CBFA2T3: variants seen among roughly 807,000 people sequenced by gnomAD.
CBFA2T3 encodes the protein transcriptional corepressor CBFA2T3.
CBFA2T3 carries 31 observed loss-of-function variants against 58.6 expected under a neutral mutation model. That is an observed-to-expected ratio of 0.53 (90% confidence interval 0.40 to 0.71). CBFA2T3 has a LOEUF of 0.71. Ranked by LOEUF, CBFA2T3 falls within the 30% of genes least tolerant of loss-of-function variation. CBFA2T3 has a pLI of 0.00. For missense variants in CBFA2T3, 1,076 were observed against 963.1 expected, an observed-to-expected ratio of 1.12 and a Z score of -1.55; for synonymous variants, 531 against 421.9, an observed-to-expected ratio of 1.26 and a Z score of -3.17.
In CBFA2T3 at chr16:88,963,772, C is replaced by T. The variant is rs1022712693; in HGVS notation, c.151+12885G>A. On this transcript the variant is annotated intron_variant, in intron 1 of 11. Transcript: ENST00000268679. ...GACACTTCGTGAGCCAGGCACACAG[C>T]GGCCCGAGGAGAGCCGCATTCTGTG... is the stretch of plus-strand genomic sequence containing the variant. 4.6e-5 allele frequency among the ~76,000 whole-genome samples: 7 copies of T among 152,358 alleles called. No individual in the cohort carries two copies. The South Asian group carries it at 6.2e-4, about 14-fold the overall frequency.
At chr16:88,914,939 G>A (rs1460735423) in intron 1 of CBFA2T3, among the ~76,000 whole-genome samples, 1 of 151,940 alleles carries the variant, frequency 6.6e-6, no homozygotes, top group Non-Finnish European at 1.5e-5. Flanking sequence ...CCCTGGGGGA[G>A]GTGGCCCCAC....
chr16:88,879,094 T>C (rs1288078812), intron 11 of CBFA2T3, among the ~76,000 whole-genome samples, 176 bp downstream of exon 11: 1 of 152,182 alleles, frequency 6.6e-6, no homozygotes, highest in Admixed American at 6.5e-5. Context: ...CACTGAACCA[T>C]GTGGGATCTC....
At position 88,875,854 on chromosome 16, in the gene CBFA2T3, G is replaced by A; in HGVS notation, c.*1122C>T. On this transcript the variant is annotated 3_prime_UTR_variant, in exon 12 of 12. Transcript: ENST00000268679. The stretch of plus-strand genomic sequence containing the variant: ...AAACGGAAATATGAAAAGTCACAGG[G>A]GGCGTGAGGACAGACGGCGTGTCCT... 4.3e-6 allele frequency: 1 copy of A among 233,342 alleles called. No homozygotes were observed. Among genetic ancestry groups the A allele is most frequent in the Non-Finnish European group, 8.5e-6 (1 of 117,974 alleles). The allele number at this position is 233,342 out of a possible 1,614,324, so 14.5% of individuals were successfully genotyped here.
At chr16:88,931,262 C>T (rs1208748964) in intron 1 of CBFA2T3, among the ~76,000 whole-genome samples, 1 of 152,102 alleles carries the variant, frequency 6.6e-6, no homozygotes, top group Non-Finnish European at 1.5e-5. Flanking sequence ...GCTGTGACTC[C>T]AGCCCTGGCT....
intron 1 of CBFA2T3, among the ~76,000 whole-genome samples, chr16:88,962,051 C>T (rs1382978461): frequency 1.3e-5 from 2 of 149,836 alleles, no homozygotes; most frequent in African/African-American, 4.9e-5. Context: ...CCATAGTAAC[C>T]AACCCTCAGG....
intron 3 of CBFA2T3, among the ~76,000 whole-genome samples, chr16:88,895,931 A>C (rs2142609008): frequency 6.6e-6 from 1 of 152,202 alleles, no homozygotes; most frequent in South Asian, 2.1e-4. Context: ...CCCATCCTGG[A>C]GTTCCAAGTG....
chr16:88,970,429 G>C (rs1027472028), intron 1 of CBFA2T3, among the ~76,000 whole-genome samples: 1 of 152,206 alleles, frequency 6.6e-6, no homozygotes, highest in African/African-American at 2.4e-5. Flanking sequence ...CTTGCCTCTG[G>C]GAGGGTCCCT....
chr16:88,911,026 C>T (rs1970514199), intron 1 of CBFA2T3, among the ~76,000 whole-genome samples: 1 of 152,238 alleles, frequency 6.6e-6, no homozygotes, highest in Non-Finnish European at 1.5e-5. Flanking sequence ...AATAAGCAGC[C>T]ATATAAACAC....
At chr16:88,922,597 T>C (rs488327) in intron 1 of CBFA2T3, among the ~76,000 whole-genome samples, 52,024 of 152,178 alleles carry the variant, frequency 0.34, 9,108 homozygotes, top group Middle Eastern at 0.44. Flanking sequence ...GCCAGGGCTA[T>C]GCTTGAGGCC....
In CBFA2T3 at chr16:88,876,967, C is replaced by G; in HGVS notation, c.*9G>C. The G allele has an allele frequency of 1.4e-6, 2 of 1,425,114 alleles. No individual in the cohort carries two copies. The highest frequency in any genetic ancestry group is 3.0e-5 in the South Asian group (2 of 66,912). The allele number at this position is 1,425,114 out of a possible 1,614,324, so 88.3% of individuals were successfully genotyped here. On this transcript the variant is annotated 3_prime_UTR_variant, in exon 12 of 12. Transcript: ENST00000268679. ...GGTGCTGTGTCCGGCAGGCCAGGGG[C>G]CAGTGGGGTCAGCGGGGCACGGTGT...
chr16:88,886,177 CA>C, intron 5 of CBFA2T3, 35 bp from the exon 6 acceptor site: 2 of 1,462,860 alleles, frequency 1.4e-6, no homozygotes, highest in Non-Finnish European at 1.8e-6. Context: ...GGGTAGCATG[CA>C]GGGGTGCACA....
intron 1 of CBFA2T3, among the ~76,000 whole-genome samples, chr16:88,934,951 A>G (rs1200584145): frequency 4.6e-5 from 7 of 152,218 alleles, no homozygotes; most frequent in Admixed American, 2.0e-4. Context: ...CGTGTTAGCC[A>G]GGATGGTCTC....
intron 8 of CBFA2T3, 45 bp downstream of exon 8, chr16:88,882,631 C>T (rs376968379): frequency 2.8e-5 from 35 of 1,268,796 alleles, no homozygotes; most frequent in East Asian, 2.3e-4. Context: ...CGTGGCTGTG[C>T]GCCTGGGCAT....
Position 88,875,903 on chromosome 16 carries a change from G to C in CBFA2T3, c.*1073C>G, listed in dbSNP as rs1357372785. On this transcript the variant is annotated 3_prime_UTR_variant, in exon 12 of 12. Coordinates refer to ENST00000268679, the MANE Select transcript of CBFA2T3 (RefSeq NM_005187.6). Reference sequence around the variant, plus strand: ...CTTTCCTACACATATGGAGACGCAGGCCGGAGCAACGGCACACGGACCACG... The same window carrying C: ...CTTTCCTACACATATGGAGACGCAGCCCGGAGCAACGGCACACGGACCACG... 1 of 233,152 alleles carries C rather than the reference G, an allele frequency of 4.3e-6. No homozygotes were observed. Among genetic ancestry groups the C allele is most frequent in the Non-Finnish European group, 8.5e-6 (1 of 117,914 alleles). 14.4% of individuals were successfully genotyped at this position (233,152 alleles called of 1,614,324 possible). A position where few individuals can be genotyped will look rare whatever the true frequency, so the allele number is the denominator to read the frequency against.
chr16:88,941,775 C>G (rs1397617338), intron 1 of CBFA2T3: 1 of 149,504 alleles, frequency 6.7e-6, no homozygotes, highest in Non-Finnish European at 1.5e-5. Context: ...ACCCACCTCG[C>G]AGCAGTCGGC....
chr16:88,915,726 C>A (rs1392132116), intron 1 of CBFA2T3, among the ~76,000 whole-genome samples: 5 of 31,046 alleles, frequency 1.6e-4, no homozygotes, highest in African/African-American at 7.5e-4. Context: ...GGAGGGGGAG[C>A]GTGGAAGGGG....
chr16:88,976,679 C>T lies in CBFA2T3; in HGVS notation c.129G>A (p.Arg43=), dbSNP rs1190030321. The T allele has an allele frequency of 6.4e-7, 1 of 1,563,880 alleles. No homozygotes were observed. Among genetic ancestry groups the T allele is most frequent in the South Asian group, 1.2e-5 (1 of 85,186 alleles). Residue 43 remains arginine (R), a synonymous_variant, in exon 1 of 12, where the codon CGG becomes CGA. Coordinates refer to ENST00000268679, the MANE Select transcript of CBFA2T3 (RefSeq NM_005187.6). ...TACCTGGGCCGCCCTTCCTGGGACC[C>T]CGGGGTGCGGAGCAGCCGGCAGATG... The part of the protein sequence containing the change: ...LLASAGCSAP[R]GPRKGGPAPV...
chr16:88,923,551 C>G (rs906868480), intron 1 of CBFA2T3, among the ~76,000 whole-genome samples: 2 of 152,232 alleles, frequency 1.3e-5, no homozygotes, highest in Non-Finnish European at 2.9e-5. Context: ...GCTGTGTGAG[C>G]TGGGGAGCAA....
At chr16:88,917,873 T>C (rs537563254) in intron 1 of CBFA2T3, among the ~76,000 whole-genome samples, 2 of 150,624 alleles carry the variant, frequency 1.3e-5, no homozygotes, top group African/African-American at 5.0e-5. Context: ...GAGGAGAGCG[T>C]GGGTGCGGAC....
Sources: allele counts gnomAD v4.1 joint callset (sites outside exome capture counted in the v4.1 genomes callset), GRCh38; gene constraint gnomAD v4.1.1; transcripts MANE v1.5; gene names NCBI Gene and HGNC (gene_info 2026-07-23, HGNC 2026-07-21).